TENM2: variants seen among roughly 807,000 people sequenced by gnomAD.
The protein encoded by TENM2 is teneurin transmembrane protein 2.
TENM2 carries 52 observed loss-of-function variants against 245.2 expected under a neutral mutation model. That is an observed-to-expected ratio of 0.21 (90% CI 0.17 to 0.27). The LOEUF (loss-of-function observed/expected upper bound fraction) is 0.27. Among genes scored for constraint, TENM2 ranks in the 10% least tolerant of loss-of-function variants. TENM2 has a pLI of 1.00. For missense variants in TENM2, 3,046 were observed against 3,666.8 expected (o/e 0.83, Z 4.37); for synonymous variants, 1,363 against 1,438.9 (o/e 0.95, Z 1.19).
intron 2 of TENM2, among the ~76,000 whole-genome samples, chr5:167,562,472 G>A (rs1773655580): frequency 6.6e-6 from 1 of 152,162 alleles, no homozygotes; most frequent in South Asian, 2.1e-4. Flanking sequence ...TTGGTGAGGT[G>A]AAGTCATCCC....
intron 4 of TENM2, among the ~76,000 whole-genome samples, chr5:167,983,728 A>G (rs1210421356): frequency 2.6e-5 from 4 of 152,196 alleles, no homozygotes; most frequent in Non-Finnish European, 5.9e-5. Context: ...AAAGGAAACA[A>G]TTCACTTCTC....
chr5:168,138,940 A>G lies in TENM2; in HGVS notation c.2422+11974A>G, dbSNP rs41386247. Among the ~76,000 whole-genome samples, 891 of 152,314 alleles carry G rather than the reference A, an allele frequency of 5.8e-3. 9 individuals are homozygous for G. Among genetic ancestry groups the G allele is most frequent in the African/African-American group, 0.02 (836 of 41,580 alleles). On this transcript the variant is annotated intron_variant, in intron 12 of 28. Transcript: ENST00000518659. ...AAGTGGTTTGCAGAGGGTGGTAATC[A>G]TGGGAACTTTAGACCTCAGCTGCCT...
chr5:167,839,519 G>A (rs913259531), intron 2 of TENM2, among the ~76,000 whole-genome samples: 4 of 151,934 alleles, frequency 2.6e-5, no homozygotes, highest in Non-Finnish European at 5.9e-5. Flanking sequence ...TTTTTAACTG[G>A]CTGTCATTTC....
At chr5:167,137,707 T>C in the TENM2 span, among the ~76,000 whole-genome samples, 3 of 152,210 alleles carry the variant, frequency 2.0e-5, no homozygotes, top group Non-Finnish European at 4.4e-5. Context: ...TGCAGACTCA[T>C]AGTTGTGAGT....
chr5:168,233,857 G>A (rs576980150), intron 25 of TENM2, among the ~76,000 whole-genome samples: 1 of 152,228 alleles, frequency 6.6e-6, no homozygotes, highest in Admixed American at 6.5e-5. Context: ...AAGCAAAAGC[G>A]GAAACTCCTG....
intron 2 of TENM2, among the ~76,000 whole-genome samples, chr5:167,749,433 T>C (rs779527703): frequency 1.1e-4 from 16 of 151,050 alleles, no homozygotes; most frequent in Non-Finnish European, 2.1e-4. Flanking sequence ...AGGTCAGGAG[T>C]TCAAGACCAG....
intron 25 of TENM2, among the ~76,000 whole-genome samples, chr5:168,235,972 G>A (rs1017307256): frequency 6.6e-6 from 1 of 152,180 alleles, no homozygotes; most frequent in Non-Finnish European, 1.5e-5. Flanking sequence ...TGGGGGAAAA[G>A]CCTCTATGCT....
intron 2 of TENM2, among the ~76,000 whole-genome samples, chr5:167,740,327 G>A (rs927631859): frequency 2.0e-5 from 3 of 152,056 alleles, no homozygotes; most frequent in African/African-American, 7.2e-5. Flanking sequence ...AGAGCCGTTT[G>A]CATTTCAGCT....
intron 2 of TENM2, among the ~76,000 whole-genome samples, chr5:167,618,684 G>A (rs1305977727): frequency 1.3e-5 from 2 of 152,072 alleles, no homozygotes; most frequent in African/African-American, 4.8e-5. Context: ...ATGAAGCTGG[G>A]AGGCCATCAA....
intron 2 of TENM2, among the ~76,000 whole-genome samples, chr5:167,392,825 G>A (rs1282201443): frequency 6.6e-6 from 1 of 152,064 alleles, no homozygotes; most frequent in Non-Finnish European, 1.5e-5. Context: ...GTTAGTTATT[G>A]GGCATCTATT....
intron 1 of TENM2, among the ~76,000 whole-genome samples, chr5:167,334,609 T>C (rs1757648582): frequency 6.6e-6 from 1 of 152,244 alleles, no homozygotes; most frequent in Non-Finnish European, 1.5e-5. Context: ...TCTTGTTTTT[T>C]CCTTCCTTTT....
At chr5:167,132,197 G>C in the TENM2 span, among the ~76,000 whole-genome samples, 2 of 152,056 alleles carry the variant, frequency 1.3e-5, no homozygotes, top group Non-Finnish European at 2.9e-5. Context: ...AACATAAAAA[G>C]CTAAGTCAAA....
chr5:167,102,778 C>G, the TENM2 span, among the ~76,000 whole-genome samples: 2 of 152,230 alleles, frequency 1.3e-5, no homozygotes, highest in Non-Finnish European at 2.9e-5. Flanking sequence ...CCTGCCTCAG[C>G]CTCCCGAGTA....
chr5:167,718,330 A>G (rs1428820415), intron 2 of TENM2, among the ~76,000 whole-genome samples: 1 of 152,090 alleles, frequency 6.6e-6, no homozygotes, highest in Non-Finnish European at 1.5e-5. Context: ...TGTCTGACAA[A>G]TTGGGTCCTG....
intron 10 of TENM2, among the ~76,000 whole-genome samples, chr5:168,123,367 G>A (rs1338080634): frequency 2.0e-5 from 3 of 152,092 alleles, no homozygotes; most frequent in African/African-American, 4.8e-5. Flanking sequence ...AAGACACTCA[G>A]CATAAAAAAT....
chr5:167,435,702 TA>T (rs564969384), intron 2 of TENM2, among the ~76,000 whole-genome samples: 1 of 152,090 alleles, frequency 6.6e-6, no homozygotes, highest in African/African-American at 2.4e-5. Flanking sequence ...CAGAAGAAGA[TA>T]AAAAAATGTG....
chr5:167,600,877 A>G (rs1266493439), intron 2 of TENM2, among the ~76,000 whole-genome samples: 1 of 152,218 alleles, frequency 6.6e-6, no homozygotes, highest in Non-Finnish European at 1.5e-5. Context: ...ATTTATCTTT[A>G]TATATAACTA....
intron 2 of TENM2, among the ~76,000 whole-genome samples, chr5:167,859,011 G>A (rs1487812723): frequency 6.7e-6 from 1 of 149,074 alleles, no homozygotes; most frequent in African/African-American, 2.5e-5. Flanking sequence ...TGGCTGCCCA[G>A]TCTGGAAAGT....
chr5:167,596,920 G>A (rs1393509707), intron 2 of TENM2, among the ~76,000 whole-genome samples: 1 of 152,118 alleles, frequency 6.6e-6, no homozygotes, highest in East Asian at 1.9e-4. Context: ...CACCTTCGGG[G>A]GACACAAAAC....
Sources: allele counts gnomAD v4.1 joint callset (sites outside exome capture counted in the v4.1 genomes callset), GRCh38; gene constraint gnomAD v4.1.1; transcripts MANE v1.5; gene names NCBI Gene and HGNC (gene_info 2026-07-23, HGNC 2026-07-21).